Variants in PHF24 observed in about 807,000 individuals in gnomAD.
PHF24 encodes the protein Galpha inhibitory interacting protein.
In PHF24, 25 loss-of-function variants were observed where a neutral mutation model predicts 42.6. The observed-to-expected ratio is 0.59, with a 90% CI of 0.43 to 0.82. PHF24 has a LOEUF of 0.82. Among genes scored for constraint, PHF24 ranks in the 40% least tolerant of loss-of-function variants. PHF24 has a pLI of 0.00. For synonymous variants in PHF24, 185 were observed against 204.8 expected (o/e 0.90, Z 0.83); for missense variants, 470 against 538.1 (o/e 0.87, Z 1.25).
the PHF24 span, among the ~76,000 whole-genome samples, chr9:34,914,794 C>CT: frequency 2.0e-5 from 3 of 150,984 alleles, no homozygotes; most frequent in African/African-American, 7.3e-5. Flanking sequence ...TTTTATTTTT[C>CT]TTTTTTTGAT....
the PHF24 span, among the ~76,000 whole-genome samples, chr9:34,789,287 C>CT: frequency 6.6e-6 from 1 of 152,216 alleles, no homozygotes; most frequent in African/African-American, 2.4e-5. Flanking sequence ...TTTGCCTCAT[C>CT]TTTAAGAGTG....
At chr9:34,936,917 C>A in the PHF24 span, among the ~76,000 whole-genome samples, 1 of 151,362 alleles carries the variant, frequency 6.6e-6, no homozygotes, top group Non-Finnish European at 1.5e-5. Context: ...GCCCGGCAGC[C>A]ACCCCGTCTG....
At chr9:34,740,577 G>T in the PHF24 span, among the ~76,000 whole-genome samples, 2 of 152,302 alleles carry the variant, frequency 1.3e-5, no homozygotes, top group East Asian at 3.9e-4. Context: ...CAGCTGGCCC[G>T]CAAGCACCTC....
the PHF24 span, among the ~76,000 whole-genome samples, chr9:34,773,325 C>T: frequency 7.9e-5 from 12 of 152,070 alleles, no homozygotes; most frequent in African/African-American, 1.2e-4. Flanking sequence ...TCCAATAAAA[C>T]GAAGCAGGGC....
At chr9:34,789,049 C>T in the PHF24 span, among the ~76,000 whole-genome samples, 21 of 152,098 alleles carry the variant, frequency 1.4e-4, no homozygotes, top group African/African-American at 4.3e-4. Flanking sequence ...TATCCAACAC[C>T]GGGCCCACGC....
chr9:34,860,333 A>T, the PHF24 span, among the ~76,000 whole-genome samples: 1 of 152,206 alleles, frequency 6.6e-6, no homozygotes. Flanking sequence ...TGGGAGTCGT[A>T]GAAGAGTTGT....
At chr9:34,844,237 C>G in the PHF24 span, among the ~76,000 whole-genome samples, 1 of 151,804 alleles carries the variant, frequency 6.6e-6, no homozygotes, top group African/African-American at 2.4e-5. Flanking sequence ...TTCAAATAAC[C>G]AACTCTTCCT....
At chr9:34,790,831 C>G in the PHF24 span, among the ~76,000 whole-genome samples, 2 of 152,136 alleles carry the variant, frequency 1.3e-5, no homozygotes, top group Non-Finnish European at 2.9e-5. Flanking sequence ...GAGAGCAATG[C>G]CAGTACCTTG....
the PHF24 span, among the ~76,000 whole-genome samples, chr9:34,780,012 C>T: frequency 6.6e-6 from 1 of 152,074 alleles, no homozygotes; most frequent in Non-Finnish European, 1.5e-5. Context: ...AGGCGTGAGC[C>T]ACTGTGCCCA....
the PHF24 span, among the ~76,000 whole-genome samples, chr9:34,885,833 C>T: frequency 2.3e-4 from 35 of 151,828 alleles, no homozygotes; most frequent in African/African-American, 8.0e-4. Flanking sequence ...TTTCCCTGCC[C>T]ACCTACACTC....
the PHF24 span, among the ~76,000 whole-genome samples, chr9:34,875,932 A>ACTCTCTCT: frequency 2.8e-5 from 2 of 70,844 alleles, no homozygotes; most frequent in Non-Finnish European, 6.0e-5. Context: ...ACACACACAC[A>ACTCTCTCT]CACACACACA....
chr9:34,764,344 G>A, the PHF24 span, among the ~76,000 whole-genome samples: 1 of 152,056 alleles, frequency 6.6e-6, no homozygotes, highest in Admixed American at 6.5e-5. Context: ...CTTTTTGGTT[G>A]GTAAGCTATT....
the PHF24 span, among the ~76,000 whole-genome samples, chr9:34,675,151 C>G: frequency 6.6e-6 from 1 of 152,204 alleles, no homozygotes; most frequent in Non-Finnish European, 1.5e-5. Context: ...AGCCACTGCG[C>G]TGGGCAGGTT....
chr9:34,905,826 T>G, the PHF24 span, among the ~76,000 whole-genome samples: 4 of 152,236 alleles, frequency 2.6e-5, no homozygotes, highest in Admixed American at 2.6e-4. Flanking sequence ...ATATTTGATC[T>G]TAATTAACTG....
At chr9:34,903,285 AAAG>A in the PHF24 span, among the ~76,000 whole-genome samples, 1 of 152,228 alleles carries the variant, frequency 6.6e-6, no homozygotes, top group African/African-American at 2.4e-5. Flanking sequence ...TAGTTTTTTA[AAAG>A]AAGGACAGTA....
At chr9:34,794,266 T>C in the PHF24 span, among the ~76,000 whole-genome samples, 1 of 152,132 alleles carries the variant, frequency 6.6e-6, no homozygotes, top group Non-Finnish European at 1.5e-5. Context: ...ACAACTGAAC[T>C]GACATGGAAA....
At chr9:34,967,454 A>G (rs1363052165) in intron 1 of PHF24, among the ~76,000 whole-genome samples, 1 of 152,248 alleles carries the variant, frequency 6.6e-6, no homozygotes, top group African/African-American at 2.4e-5. Context: ...CACAAAAAAT[A>G]TATTTCTTAC....
At chr9:34,922,631 A>G in the PHF24 span, 2 of 1,014,816 alleles carry the variant, frequency 2.0e-6, no homozygotes, top group Non-Finnish European at 3.1e-6. Flanking sequence ...AAGGGACAGT[A>G]CATCATTGCA....
intron 3 of PHF24, among the ~76,000 whole-genome samples, chr9:34,974,789 T>C (rs1827127656): frequency 6.6e-6 from 1 of 152,140 alleles, no homozygotes; most frequent in Admixed American, 6.5e-5. Context: ...TTCACACTCA[T>C]CATGCCCCAA....
Sources: gnomAD v4.1 joint callset for allele counts (sites outside exome capture counted in the v4.1 genomes callset) on GRCh38, gnomAD v4.1.1 for gene constraint, MANE v1.5 for transcripts, NCBI Gene and HGNC (gene_info 2026-07-23, HGNC 2026-07-21) for gene names.